Variants in GSE1 observed in about 807,000 individuals in gnomAD.
GSE1 encodes the protein Gse1 coiled-coil protein.
GSE1 carries 32 observed loss-of-function variants against 112.6 expected under a neutral mutation model. That is an observed-to-expected ratio of 0.28 (90% CI 0.21 to 0.38). The LOEUF is 0.38. Among genes scored for constraint, GSE1 ranks in the 10% least tolerant of loss-of-function variants. The pLI, the probability that GSE1 is intolerant of heterozygous loss-of-function variation, is 1.00. For synonymous variants in GSE1, 1,115 were observed against 735.6 expected, an observed-to-expected ratio of 1.52 and a Z score of -8.35; for missense variants, 2,348 against 1,699.2, an observed-to-expected ratio of 1.38 and a Z score of -6.71.
intron 2 of GSE1, among the ~76,000 whole-genome samples, chr16:85,644,420 C>T (rs989409319): frequency 6.6e-6 from 1 of 151,878 alleles, no homozygotes; most frequent in African/African-American, 2.4e-5. Context: ...TGTATGCCAC[C>T]AGCTGAGGGA....
At position 85,178,902 on chromosome 16, in the gene GSE1, C is replaced by T. The variant is rs147322364; in HGVS notation, c.2283+7095C>T. ...GGTGGGCAGGGAGGGATGAGGGGTA[C>T]GTTGTCCATTGTAGCAGCGGGCGGG... On this transcript the variant is annotated intron_variant, in intron 1 of 2. Coordinates refer to the GSE1 transcript ENST00000637419. Among the ~76,000 whole-genome samples the T allele has an allele frequency of 6.9e-3, 1,042 of 150,892 alleles. 14 individuals are homozygous for T. Among genetic ancestry groups the T allele is most frequent in the African/African-American group, 0.024 (972 of 40,824 alleles).
At chr16:85,645,169 G>A (rs937893530) in intron 2 of GSE1, among the ~76,000 whole-genome samples, 4 of 151,850 alleles carry the variant, frequency 2.6e-5, no homozygotes, top group Non-Finnish European at 5.9e-5. Flanking sequence ...TTCTCAGGGT[G>A]TGGGCAGTGG....
chr16:85,238,151 G>A (rs1387316925), intron 1 of GSE1, among the ~76,000 whole-genome samples: 1 of 152,132 alleles, frequency 6.6e-6, no homozygotes. Flanking sequence ...GGGTGGGTGG[G>A]TGCAGGAAGA....
At chr16:85,641,871 C>G (rs974169845) in intron 2 of GSE1, among the ~76,000 whole-genome samples, 1 of 152,262 alleles carries the variant, frequency 6.6e-6, no homozygotes, top group Non-Finnish European at 1.5e-5. Flanking sequence ...GGGGCTGGAC[C>G]TCCTCTGGCC....
chr16:85,391,631 G>A (rs900761), intron 2 of GSE1, among the ~76,000 whole-genome samples: 133,768 of 152,186 alleles, frequency 0.88, 61,217 homozygotes, highest in Non-Finnish European at 1. Flanking sequence ...GACGCAGGTC[G>A]TAATTTAATA....
intron 10 of GSE1, 55 bp from the exon 11 acceptor site, chr16:85,663,289 G>C (rs2052581357): frequency 6.3e-7 from 1 of 1,591,778 alleles, no homozygotes; most frequent in South Asian, 1.1e-5. Context: ...CCGGGACAGT[G>C]CAAGCATACC....
At chr16:85,454,600 C>G (rs2049772449) in intron 2 of GSE1, among the ~76,000 whole-genome samples, 1 of 152,278 alleles carries the variant, frequency 6.6e-6, no homozygotes, top group Non-Finnish European at 1.5e-5. Flanking sequence ...GACTCTCCCA[C>G]AGTTCTGGAG....
intron 1 of GSE1, among the ~76,000 whole-genome samples, chr16:85,284,140 C>T (rs889001689): frequency 1.3e-5 from 2 of 152,192 alleles, no homozygotes; most frequent in Non-Finnish European, 2.9e-5. Context: ...TTTCAAGATG[C>T]CCCCGGCCCA....
At chr16:85,302,588 C>T (rs536137141) in intron 1 of GSE1, among the ~76,000 whole-genome samples, 1 of 152,234 alleles carries the variant, frequency 6.6e-6, no homozygotes, top group East Asian at 1.9e-4. Flanking sequence ...CTGAAATGCA[C>T]GCATGCCTCA....
At chr16:85,380,700 G>A (rs1017178936) in intron 2 of GSE1, among the ~76,000 whole-genome samples, 5 of 152,086 alleles carry the variant, frequency 3.3e-5, no homozygotes, top group African/African-American at 7.2e-5. Flanking sequence ...GCGTGGCCCC[G>A]GACCTAATTA....
chr16:85,408,155 C>T (rs111968968), intron 2 of GSE1, among the ~76,000 whole-genome samples: 2 of 41,202 alleles, frequency 4.9e-5, no homozygotes, highest in African/African-American at 1.3e-4. Flanking sequence ...CTGTTACACT[C>T]AGGGCCCCCC....
Position 85,671,216 on chromosome 16 carries a change from G to A in GSE1, c.3519+118G>A, listed in dbSNP as rs144714093. The A allele has an allele frequency of 4.9e-4, 278 of 567,064 alleles. 4 individuals are homozygous for A. The highest frequency in any genetic ancestry group is 2.9e-3 in the South Asian group (136 of 47,344). The allele number at this position is 567,064 out of a possible 1,614,324, so 35.1% of individuals were successfully genotyped here. On this transcript the variant is annotated intron_variant, in intron 15 of 15. Coordinates refer to ENST00000253458, the MANE Select transcript of GSE1 (RefSeq NM_014615.5). ...TGCTCTTAAGAGATCAAAATTTGGCGGATCACGAGGTCAGGAGATCGAGAC... is the reference window on the plus strand; with the variant it reads ...TGCTCTTAAGAGATCAAAATTTGGCAGATCACGAGGTCAGGAGATCGAGAC...
At chr16:85,612,127 G>C (rs1248183482), upstream of GSE1, among the ~76,000 whole-genome samples, 1 of 151,970 alleles carries the variant, frequency 6.6e-6, no homozygotes, top group Non-Finnish European at 1.5e-5. Flanking sequence ...AGCCGCCCGG[G>C]GGGGTTACAG....
chr16:85,587,830 G>T (rs1054789503), intron 1 of GSE1, among the ~76,000 whole-genome samples: 1 of 152,100 alleles, frequency 6.6e-6, no homozygotes, highest in Non-Finnish European at 1.5e-5. Flanking sequence ...AAGCCTTCCC[G>T]GACCCTTGGG....
intron 1 of GSE1, among the ~76,000 whole-genome samples, chr16:85,172,849 T>C (rs1380359508): frequency 1.3e-5 from 2 of 152,304 alleles, no homozygotes; most frequent in East Asian, 1.9e-4. Context: ...AGGTGGACTA[T>C]CTGGGGGACA....
At chr16:85,631,962 C>T (rs956937056) in intron 1 of GSE1, among the ~76,000 whole-genome samples, 5 of 152,232 alleles carry the variant, frequency 3.3e-5, no homozygotes, top group African/African-American at 7.2e-5. Context: ...TTGGGGGCAG[C>T]GTGGCTGGCG....
chr16:85,235,574 GGT>G (rs762673112), intron 1 of GSE1, among the ~76,000 whole-genome samples: 6,936 of 62,164 alleles, frequency 0.11, 657 homozygotes, highest in South Asian at 0.2. Context: ...TGTGTGTGTG[GGT>G]GGGGGGGGGG....
intron 14 of GSE1, among the ~76,000 whole-genome samples, chr16:85,669,223 G>C (rs1400693883): frequency 6.6e-6 from 1 of 152,254 alleles, no homozygotes; most frequent in African/African-American, 2.4e-5. Context: ...CTTACTGCGT[G>C]GGCACTGCTG....
At chr16:85,306,200 T>C (rs951326295) in intron 1 of GSE1, 4 of 154,216 alleles carry the variant, frequency 2.6e-5, no homozygotes, top group African/African-American at 9.6e-5. Flanking sequence ...TGTATTGGTC[T>C]CCAGTTTCCC....
Sources: gnomAD v4.1 joint callset for allele counts (sites outside exome capture counted in the v4.1 genomes callset) on GRCh38, gnomAD v4.1.1 for gene constraint, MANE v1.5 for transcripts, NCBI Gene and HGNC (gene_info 2026-07-23, HGNC 2026-07-21) for gene names.